Variants in UBE2H observed in about 807,000 individuals in gnomAD.
UBE2H encodes ubiquitin-conjugating enzyme E2 H.
A neutral mutation model predicts 29.0 loss-of-function variants in UBE2H; 3 were observed. The ratio of observed to expected loss-of-function variants is 0.10; its 90% confidence interval spans 0.05 to 0.27. UBE2H has a LOEUF of 0.27. UBE2H is among the 10% of genes least tolerant of loss of function. UBE2H has a pLI of 1.00. For synonymous variants in UBE2H, 69 were observed against 82.9 expected, an observed-to-expected ratio of 0.83 and a Z score of 0.91; for missense variants, 68 against 228.2, an observed-to-expected ratio of 0.30 and a Z score of 4.52.
intron 1 of UBE2H, among the ~76,000 whole-genome samples, chr7:129,937,369 AAAATG>A (rs1340208348): frequency 6.6e-6 from 1 of 152,188 alleles, no homozygotes; most frequent in Non-Finnish European, 1.5e-5. Flanking sequence ...ACAATTTATG[AAAATG>A]AAATGAAATT....
chr7:129,890,006 G>A (rs1002135401), intron 1 of UBE2H, among the ~76,000 whole-genome samples: 2 of 152,060 alleles, frequency 1.3e-5, no homozygotes, highest in African/African-American at 4.8e-5. Context: ...GGTGGTACGA[G>A]CCTGTAGTCC....
At chr7:129,915,607 C>G (rs890114991) in intron 1 of UBE2H, among the ~76,000 whole-genome samples, 1 of 152,188 alleles carries the variant, frequency 6.6e-6, no homozygotes, top group African/African-American at 2.4e-5. Flanking sequence ...CTAAACAGAA[C>G]GAACTATTTT....
chr7:129,867,692 AGT>A, intron 3 of UBE2H, among the ~76,000 whole-genome samples: 1 of 95,788 alleles, frequency 1.0e-5, no homozygotes, highest in African/African-American at 4.3e-5. Flanking sequence ...TAAAACTTAG[AGT>A]ATAATAAAAA....
chr7:129,895,350 T>C (rs764970943), intron 1 of UBE2H, among the ~76,000 whole-genome samples: 12 of 152,084 alleles, frequency 7.9e-5, no homozygotes, highest in Non-Finnish European at 1.6e-4. Context: ...GAGAAAAACA[T>C]GCAGGAAGAA....
At chr7:129,933,791 T>G (rs1807456382) in intron 1 of UBE2H, among the ~76,000 whole-genome samples, 1 of 152,210 alleles carries the variant, frequency 6.6e-6, no homozygotes. Context: ...TTTATTCTAA[T>G]CCGTTTAACA....
chr7:129,931,518 A>G (rs1359595720), intron 1 of UBE2H, among the ~76,000 whole-genome samples: 1 of 148,860 alleles, frequency 6.7e-6, no homozygotes, highest in African/African-American at 2.5e-5. Context: ...CATCTTTAAG[A>G]AAAAAAAAAC....
intron 1 of UBE2H, among the ~76,000 whole-genome samples, chr7:129,949,913 G>T (rs1807841043): frequency 6.6e-6 from 1 of 152,122 alleles, no homozygotes; most frequent in African/African-American, 2.4e-5. Flanking sequence ...AGGGGCATGG[G>T]GGGCAAGAAG....
chr7:129,890,517 T>C (rs1196255174), intron 1 of UBE2H, among the ~76,000 whole-genome samples: 1 of 152,020 alleles, frequency 6.6e-6, no homozygotes. Context: ...GCAGCCGGGA[T>C]TACAGGTGCC....
chr7:129,878,463 C>G (rs1202395405), intron 3 of UBE2H, among the ~76,000 whole-genome samples: 1 of 151,898 alleles, frequency 6.6e-6, no homozygotes, highest in Non-Finnish European at 1.5e-5. Flanking sequence ...GCTGGCGGAT[C>G]ACGAGGTCAG....
At chr7:129,947,227 T>C (rs1316748629) in intron 1 of UBE2H, among the ~76,000 whole-genome samples, 1 of 152,236 alleles carries the variant, frequency 6.6e-6, no homozygotes, top group African/African-American at 2.4e-5. Flanking sequence ...TGTAGGTTCC[T>C]GCCTAACCAA....
chr7:129,890,316 TGTATGTATATATAC>T (rs1052529350), intron 1 of UBE2H, among the ~76,000 whole-genome samples: 2 of 150,982 alleles, frequency 1.3e-5, no homozygotes, highest in Non-Finnish European at 3.0e-5. Context: ...CGTGTATATA[TGTATGTATATATAC>T]GTGTGTATAT....
intron 1 of UBE2H, among the ~76,000 whole-genome samples, chr7:129,931,335 C>G (rs1336213299): frequency 6.6e-6 from 1 of 151,992 alleles, no homozygotes; most frequent in East Asian, 1.9e-4. Context: ...TTGCAGTGAG[C>G]TGAGATCACG....
intron 5 of UBE2H, among the ~76,000 whole-genome samples, chr7:129,854,709 A>T (rs1225709306): frequency 6.6e-6 from 1 of 152,226 alleles, no homozygotes; most frequent in Non-Finnish European, 1.5e-5. Context: ...TTTCACTCCT[A>T]GGTATATACC....
intron 5 of UBE2H, among the ~76,000 whole-genome samples, chr7:129,847,920 T>C (rs1428192841): frequency 1.3e-5 from 2 of 152,216 alleles, no homozygotes; most frequent in Non-Finnish European, 2.9e-5. Context: ...CAGAAATGTC[T>C]CTAGTTTTTC....
At chr7:129,882,190 G>A (rs1362319860) in intron 1 of UBE2H, among the ~76,000 whole-genome samples, 6 of 152,090 alleles carry the variant, frequency 3.9e-5, no homozygotes, top group Non-Finnish European at 5.9e-5. Context: ...AGGACTACTC[G>A]TTTAAAATCT....
At chr7:129,936,593 CAAAA>C (rs35593803) in intron 1 of UBE2H, among the ~76,000 whole-genome samples, 2 of 119,520 alleles carry the variant, frequency 1.7e-5, no homozygotes, top group Non-Finnish European at 3.5e-5. Context: ...GACTCCATCT[CAAAA>C]AAAAAAAAAA....
intron 3 of UBE2H, among the ~76,000 whole-genome samples, chr7:129,862,557 G>A (rs974666128): frequency 6.6e-6 from 1 of 152,170 alleles, no homozygotes; most frequent in African/African-American, 2.4e-5. Flanking sequence ...AGATGGTCAG[G>A]AAGGGACTTC....
At chr7:129,923,384 TA>T (rs1279278370) in intron 1 of UBE2H, among the ~76,000 whole-genome samples, 1 of 152,212 alleles carries the variant, frequency 6.6e-6, no homozygotes, top group African/African-American at 2.4e-5. Flanking sequence ...TTTTAACCAA[TA>T]AATATTACTA....
intron 3 of UBE2H, among the ~76,000 whole-genome samples, chr7:129,868,586 C>CAA (rs11356893): frequency 0.016 from 1,118 of 69,546 alleles, 54 homozygotes; most frequent in Non-Finnish European, 0.022. Context: ...GACTCCGTCT[C>CAA]AAAAAAAAAA....
Sources: gnomAD v4.1 joint callset for allele counts (sites outside exome capture counted in the v4.1 genomes callset) on GRCh38, gnomAD v4.1.1 for gene constraint, MANE v1.5 for transcripts, NCBI Gene and HGNC (gene_info 2026-07-23, HGNC 2026-07-21) for gene names.